Variants in TMEM145 observed in about 807,000 individuals in gnomAD.
TMEM145 encodes transmembrane protein 145.
Under a neutral mutation model 68.5 loss-of-function variants are expected in TMEM145, and 46 were observed. That is an observed-to-expected ratio of 0.67 (90% confidence interval 0.53 to 0.86). TMEM145 has a LOEUF of 0.86. Among genes scored for constraint, TMEM145 ranks in the 40% least tolerant of loss-of-function variants. TMEM145 has a pLI of 0.00. For synonymous variants in TMEM145, 255 were observed against 280.2 expected, an observed-to-expected ratio of 0.91 and a Z score of 0.90; for missense variants, 570 against 645.8, an observed-to-expected ratio of 0.88 and a Z score of 1.27.
chr19:42,315,506 C>T (rs1263757436), intron 8 of TMEM145, 66 bp downstream of exon 8: 1 of 1,551,880 alleles, frequency 6.4e-7, no homozygotes, highest in Non-Finnish European at 8.9e-7. Context: ...ACACCTGGGC[C>T]TAAGAGGAAT....
chr19:42,323,817 G>C, intron 14 of TMEM145, 28 bp downstream of exon 14: 2 of 1,605,276 alleles, frequency 1.2e-6, no homozygotes, highest in Non-Finnish European at 1.7e-6. Flanking sequence ...AGCGCCCGAG[G>C]AGCTGCTGGC....
intron 8 of TMEM145, among the ~76,000 whole-genome samples, chr19:42,316,031 A>AAAAAC (rs956670513): frequency 2.8e-4 from 42 of 151,902 alleles, no homozygotes; most frequent in Middle Eastern, 3.4e-3. Context: ...CTCTGTCTCA[A>AAAAAC]AAAACAAAAC....
intron 11 of TMEM145, 88 bp downstream of exon 11, chr19:42,317,051 C>T: frequency 1.8e-6 from 2 of 1,109,974 alleles, no homozygotes; most frequent in South Asian, 1.3e-5. Context: ...CCCTTGCCCA[C>T]ATCCTGCTCC....
intron 12 of TMEM145, among the ~76,000 whole-genome samples, chr19:42,320,060 G>C (rs545342661): frequency 2.6e-5 from 4 of 152,182 alleles, no homozygotes; most frequent in Non-Finnish European, 5.9e-5. Context: ...TGCCCGGGCT[G>C]TCTATTGATT....
At chr19:42,322,679 A>ATATTTATT (rs113003304) in intron 13 of TMEM145, among the ~76,000 whole-genome samples, 46 of 151,448 alleles carry the variant, frequency 3.0e-4, no homozygotes, top group African/African-American at 9.0e-4. Flanking sequence ...CATTCCACCA[A>ATATTTATT]TATTTATTTA....
chr19:42,313,618 G>A lies in TMEM145; in HGVS notation c.120+122G>A, dbSNP rs1433857414. On this transcript the variant is annotated intron_variant, in intron 1 of 14. Coordinates refer to ENST00000301204, the MANE Select transcript of TMEM145 (RefSeq NM_173633.3). The surrounding 1 kb of genome is among the most constrained non-coding windows in gnomAD (Gnocchi z 5.1). ...CTGGCGGACTCCGGGAGCCTCGGGG[G>A]AGTGGGGCCGAGGGCGATGGGGGAC... 1.4e-6 allele frequency: 1 copy of A among 732,550 alleles called. No individual in the cohort carries two copies. Among genetic ancestry groups the A allele is most frequent in the Non-Finnish European group, 1.9e-6 (1 of 529,686 alleles). 45.4% of individuals were successfully genotyped at this position (732,550 alleles called of 1,614,324 possible).
intron 11 of TMEM145, 50 bp downstream of exon 11, chr19:42,317,013 G>A (rs779420546): frequency 1.1e-5 from 17 of 1,527,530 alleles, no homozygotes; most frequent in African/African-American, 9.6e-5. Context: ...TGCTTTTGGC[G>A]CCGCCTCCCC....
intron 8 of TMEM145, 24 bp downstream of exon 8, chr19:42,315,464 T>C (rs369895282): frequency 4.6e-5 from 74 of 1,613,396 alleles, no homozygotes; most frequent in Admixed American, 2.0e-4. Context: ...TCCCAACTTT[T>C]GGGTTCTGAA....
intron 9 of TMEM145, 43 bp from the exon 10 acceptor site, chr19:42,316,619 G>T: frequency 6.2e-7 from 1 of 1,613,464 alleles, no homozygotes; most frequent in Non-Finnish European, 8.5e-7. Context: ...TGGGCATCAG[G>T]TCTGAGCCTG....
chr19:42,315,232 ATCT>A lies in TMEM145; in HGVS notation c.556_558del (p.Phe186del), dbSNP rs911186719. 1.3e-4 allele frequency: 212 copies of A among 1,607,344 alleles called. No homozygotes were observed. Among genetic ancestry groups the A allele is most frequent in the Non-Finnish European group, 1.8e-4 (209 of 1,175,580 alleles). On this transcript the variant is annotated inframe_deletion, in exon 7 of 15. Transcript: ENST00000301204. ...GACCTTCCTCCTCATCTTCATCCTC[ATCT>A]TCTTCCTCTCTTGTTACTTTGGATG...
At chr19:42,321,382 A>T in intron 13 of TMEM145, 5 of 303,838 alleles carry the variant, frequency 1.6e-5, no homozygotes, top group East Asian at 5.0e-5. Flanking sequence ...TGCCCGGTTA[A>T]GTGGTTTTTT....
In TMEM145 at chr19:42,316,512, G is replaced by T; in HGVS notation, c.678G>T (p.Trp226Cys). 6.2e-7 allele frequency: 1 copy of T among 1,614,142 alleles called. No homozygotes were observed. The highest frequency in any genetic ancestry group is 8.5e-7 in the Non-Finnish European group (1 of 1,180,006). ...VLSLLFFCIY[W>C]GQYATDGIGN... is the part of the protein sequence containing the mutation. ...GCCTCCTATTTTTCTGCATCTACTG[G>T]GGTCAATATGCCACCGATGGCATTG... Residue 226 changes from tryptophan to cysteine, a missense_variant, in exon 9 of 15, where the codon TGG becomes TGT. By Grantham distance (215) the Trp-to-Cys change is radical. Coordinates refer to ENST00000301204, the MANE Select transcript of TMEM145 (RefSeq NM_173633.3).
At position 42,314,830 on chromosome 19, in the gene TMEM145, C is replaced by T; in HGVS notation, c.399C>T (p.Ser133=). 1 of 1,614,210 alleles carries T rather than the reference C, an allele frequency of 6.2e-7. No homozygotes were observed. The highest frequency in any genetic ancestry group is 8.5e-7 in the Non-Finnish European group (1 of 1,180,034). Residue 133 remains serine, a synonymous_variant, in exon 5 of 15, where the codon TCC becomes TCT. Coordinates refer to ENST00000301204, the MANE Select transcript of TMEM145 (RefSeq NM_173633.3). ...SEEGTRYLSC[S]SGRSFRSGDG... The stretch of plus-strand genomic sequence containing the variant: ...AGGGAACCCGCTACCTGAGCTGCTC[C>T]AGTGGCCGCAGCTTCCGCTCAGTGC...
intron 11 of TMEM145, 130 bp from the exon 12 acceptor site, chr19:42,317,579 C>T (rs561853178): frequency 8.7e-5 from 66 of 760,730 alleles, no homozygotes; most frequent in South Asian, 3.3e-4. Flanking sequence ...CTTCTGTCTC[C>T]GTGCCTGGCT....
In TMEM145 at chr19:42,314,530, T is replaced by C. The variant is rs1599976594; in HGVS notation, c.273+2T>C. ...GCCGTGTACAAGGCAGGGGACAAGG[T>C]GAGGGCTGTGAAGAGGGCATAGGGG... is the stretch of plus-strand genomic sequence containing the variant. On this transcript the variant is annotated splice_donor_variant, in intron 3 of 14. Coordinates refer to ENST00000301204, the MANE Select transcript of TMEM145 (RefSeq NM_173633.3). LOFTEE classifies it high-confidence loss of function. 1 of 1,613,814 alleles carries C rather than the reference T, an allele frequency of 6.2e-7. No individual in the cohort carries two copies. Among genetic ancestry groups the C allele is most frequent in the Non-Finnish European group, 8.5e-7 (1 of 1,179,948 alleles).
chr19:42,319,047 G>C (rs2038887331), intron 12 of TMEM145, among the ~76,000 whole-genome samples: 1 of 152,134 alleles, frequency 6.6e-6, no homozygotes, highest in Non-Finnish European at 1.5e-5. Context: ...TCGTGCCCCT[G>C]TACTCTAGCC....
At chr19:42,319,422 C>T (rs144731400) in intron 12 of TMEM145, among the ~76,000 whole-genome samples, 6 of 152,234 alleles carry the variant, frequency 3.9e-5, no homozygotes, top group African/African-American at 1.2e-4. Context: ...TTCATTCATT[C>T]GTCAAATATC....
Position 42,315,472 on chromosome 19 carries a change from G to T in TMEM145, c.646+32G>T, listed in dbSNP as rs200915058. On this transcript the variant is annotated intron_variant, in intron 8 of 14. Coordinates refer to ENST00000301204, the MANE Select transcript of TMEM145 (RefSeq NM_173633.3). ...TTCCGTGTCCCAACTTTTGGGTTCT[G>T]AAAGAGAAGGCACTTGGGGCCAGAC... 5.6e-5 allele frequency: 91 copies of T among 1,612,020 alleles called. 1 individual carries two copies. The Admixed American group carries it at 1.5e-3, about 27-fold the overall frequency.
At chr19:42,318,023 CACTT>C in intron 12 of TMEM145, 142 bp downstream of exon 12, 1 of 932,188 alleles carries the variant, frequency 1.1e-6, no homozygotes, top group Non-Finnish European at 1.6e-6. Context: ...GCCACTTACT[CACTT>C]TGTGAAAAAT....
Sources: allele counts gnomAD v4.1 joint callset (sites outside exome capture counted in the v4.1 genomes callset), GRCh38; gene constraint gnomAD v4.1.1; non-coding constraint Gnocchi (gnomAD v3.1); transcripts MANE v1.5; gene names NCBI Gene and HGNC (gene_info 2026-07-23, HGNC 2026-07-21).